The following LRRC4C variants were observed in gnomAD, a reference collection of about 807,000 sequenced individuals.
The protein encoded by LRRC4C is leucine rich repeat containing 4C.
A neutral mutation model predicts 33.6 loss-of-function variants in LRRC4C; 5 were observed. The observed-to-expected ratio is 0.15, with a 90% CI of 0.08 to 0.31. The LOEUF is 0.31. LRRC4C is among the 10% of genes least tolerant of loss of function. The probability of loss-of-function intolerance (pLI) is 1.00; values close to 1 mark genes in which losing one functional copy is unlikely to be tolerated. For synonymous variants in LRRC4C, 329 were observed against 302.0 expected (o/e 1.09, Z -0.93); for missense variants, 560 against 796.7 (o/e 0.70, Z 3.58).
intron 2 of LRRC4C, among the ~76,000 whole-genome samples, chr11:40,666,758 T>C (rs1339924700): frequency 6.6e-6 from 1 of 152,064 alleles, no homozygotes; most frequent in Non-Finnish European, 1.5e-5. Flanking sequence ...AATTAGAAAA[T>C]CTTCCCAAAT....
rs1191106845 is a variant in LRRC4C, at chr11:41,408,755, A to AAAAAAAAAAAAAAAC, written c.-496+50675_-496+50676insGTTTTTTTTTTTTTT. Among the ~76,000 whole-genome samples, 316 of 148,048 alleles carry AAAAAAAAAAAAAAAC rather than the reference A, an allele frequency of 2.1e-3. 1 individual carries two copies. The highest frequency in any genetic ancestry group is 7.6e-3 in the African/African-American group (286 of 37,752). On this transcript the variant is annotated intron_variant, in intron 1 of 6. Transcript: ENST00000528697. ...AGAAAGGTATATTTTTGTAAAAAAAAAAAAAAAAAAAACTGAGTCTCTCAA... is the reference window on the plus strand; with the variant it reads ...AGAAAGGTATATTTTTGTAAAAAAAAAAAAAAAAAAAAAACAAAAAAAAAAAACTGAGTCTCTCAA...
chr11:41,417,902 C>T (rs1954742475), intron 1 of LRRC4C, among the ~76,000 whole-genome samples: 1 of 151,188 alleles, frequency 6.6e-6, no homozygotes, highest in Non-Finnish European at 1.5e-5. Flanking sequence ...CAACAAACAC[C>T]ATATATATGG....
intron 1 of LRRC4C, among the ~76,000 whole-genome samples, chr11:41,013,539 T>G (rs1855364694): frequency 6.6e-6 from 1 of 152,174 alleles, no homozygotes; most frequent in Non-Finnish European, 1.5e-5. Context: ...GAAAAAACCC[T>G]GAATTTTTAC....
chr11:41,286,590 A>T (rs1949835808), intron 1 of LRRC4C, among the ~76,000 whole-genome samples: 1 of 151,164 alleles, frequency 6.6e-6, no homozygotes, highest in African/African-American at 2.5e-5. Flanking sequence ...TTAAGACAAG[A>T]TCCTTAGTCA....
Position 40,873,069 on chromosome 11 carries a change from T to C in LRRC4C, c.-407+60566A>G, listed in dbSNP as rs200215130. 1.7e-4 allele frequency among the ~76,000 whole-genome samples: 26 copies of C among 152,270 alleles called. No individual in the cohort carries two copies. In the East Asian group the frequency reaches 4.6e-3, roughly 27 times the overall value. On this transcript the variant is annotated intron_variant, in intron 2 of 6. Transcript: ENST00000528697. ...AGATAGTATTGAGAATAAAAGCCAA[T>C]GAGAGGTTAGCAGCCTGGTGAAGTC...
At chr11:40,302,226 A>G (rs1307081441) in intron 4 of LRRC4C, among the ~76,000 whole-genome samples, 1 of 152,210 alleles carries the variant, frequency 6.6e-6, no homozygotes, top group Non-Finnish European at 1.5e-5. Flanking sequence ...TTTTATCACA[A>G]CCTTCAATTG....
At chr11:41,414,948 C>A (rs1354853650) in intron 1 of LRRC4C, among the ~76,000 whole-genome samples, 1 of 152,094 alleles carries the variant, frequency 6.6e-6, no homozygotes, top group Non-Finnish European at 1.5e-5. Flanking sequence ...TAATAACAGG[C>A]AACACTAATA....
chr11:40,397,846 G>T (rs1018093311), intron 3 of LRRC4C, among the ~76,000 whole-genome samples: 6 of 152,074 alleles, frequency 3.9e-5, no homozygotes, highest in Admixed American at 1.3e-4. Context: ...GTGTGGGAAA[G>T]GTTGTAGAAA....
intron 5 of LRRC4C, among the ~76,000 whole-genome samples, chr11:40,213,528 T>G (rs1863758840): frequency 6.6e-6 from 1 of 152,122 alleles, no homozygotes; most frequent in Non-Finnish European, 1.5e-5. Flanking sequence ...ATTATTGTGG[T>G]CTCCCCTTCC....
chr11:40,362,765 A>G (rs891717383), intron 3 of LRRC4C, among the ~76,000 whole-genome samples: 3 of 152,216 alleles, frequency 2.0e-5, no homozygotes, highest in Non-Finnish European at 2.9e-5. Flanking sequence ...GGACACGAAC[A>G]GACGCTTCTC....
chr11:40,212,705 A>G (rs1349363830), intron 5 of LRRC4C, among the ~76,000 whole-genome samples: 1 of 152,172 alleles, frequency 6.6e-6, no homozygotes, highest in African/African-American at 2.4e-5. Flanking sequence ...TGAGGGGCGT[A>G]CTTCATTTGT....
intron 3 of LRRC4C, among the ~76,000 whole-genome samples, chr11:40,482,394 A>G (rs1166645122): frequency 3.9e-5 from 6 of 152,160 alleles, no homozygotes; most frequent in African/African-American, 1.4e-4. Flanking sequence ...AAATCAAATG[A>G]GACTTTCTCC....
At chr11:41,225,624 C>A (rs902171590) in intron 1 of LRRC4C, among the ~76,000 whole-genome samples, 1 of 151,694 alleles carries the variant, frequency 6.6e-6, no homozygotes, top group African/African-American at 2.4e-5. Context: ...CATAGTAAGA[C>A]CCTGTCTTTA....
chr11:41,073,029 G>C (rs1938825272), intron 1 of LRRC4C, among the ~76,000 whole-genome samples: 1 of 152,148 alleles, frequency 6.6e-6, no homozygotes, highest in East Asian at 1.9e-4. Flanking sequence ...CTGCTATATT[G>C]AGTGCACAAT....
At position 41,451,649 on chromosome 11, in the gene LRRC4C, G is replaced by T. The variant is rs369329950; in HGVS notation, c.-496+7782C>A. On this transcript the variant is annotated intron_variant, in intron 1 of 6. Transcript: ENST00000528697. Reference sequence around the variant, plus strand: ...CCAGATGAACACAGGAAGAAGTTAGGTATTCATGAGCAAAACAGACCTATT... The same window carrying T: ...CCAGATGAACACAGGAAGAAGTTAGTTATTCATGAGCAAAACAGACCTATT... Among the ~76,000 whole-genome samples the T allele has an allele frequency of 4.6e-5, 7 of 152,200 alleles. No individual in the cohort carries two copies. The South Asian group carries it at 8.3e-4, about 18-fold the overall frequency.
chr11:40,794,373 C>CAA lies in LRRC4C; in HGVS notation c.-407+139260_-407+139261dup, dbSNP rs57476895. Among the ~76,000 whole-genome samples, 463 of 77,150 alleles carry CAA rather than the reference C, an allele frequency of 6.0e-3. 20 individuals carry two copies. The highest frequency in any genetic ancestry group is 0.015 in the East Asian group (32 of 2,132). The allele number at this position is 77,150 out of a possible 152,430, so 50.6% of individuals were successfully genotyped here. A position where few individuals can be genotyped will look rare whatever the true frequency, so the allele number is the denominator to read the frequency against. On this transcript the variant is annotated intron_variant, in intron 2 of 6. Coordinates refer to ENST00000528697, the MANE Select transcript of LRRC4C (RefSeq NM_001258419.2). Reference sequence around the variant, plus strand: ...ACAAAGCCACTCTCATAAACGCCAGCAAAAAAAAAAAAAAAAAAAAAAAAA... The same window carrying CAA: ...ACAAAGCCACTCTCATAAACGCCAGCAAAAAAAAAAAAAAAAAAAAAAAAAAA...
chr11:40,915,144 C>T (rs1445559012), intron 2 of LRRC4C, among the ~76,000 whole-genome samples: 1 of 152,022 alleles, frequency 6.6e-6, no homozygotes, highest in Non-Finnish European at 1.5e-5. Flanking sequence ...AGATTCAATG[C>T]CGTCTCCATC....
At chr11:40,422,138 A>C (rs1950543638) in intron 3 of LRRC4C, among the ~76,000 whole-genome samples, 1 of 152,224 alleles carries the variant, frequency 6.6e-6, no homozygotes, top group Non-Finnish European at 1.5e-5. Context: ...TTGAAGAAAA[A>C]TACATTTCCT....
At chr11:41,251,512 G>A (rs1210706275) in intron 1 of LRRC4C, among the ~76,000 whole-genome samples, 1 of 152,066 alleles carries the variant, frequency 6.6e-6, no homozygotes, top group East Asian at 1.9e-4. Context: ...TCCTCCTTTT[G>A]TATTATTCCA....
Sources: gnomAD v4.1 joint callset for allele counts (sites outside exome capture counted in the v4.1 genomes callset) on GRCh38, gnomAD v4.1.1 for gene constraint, MANE v1.5 for transcripts, NCBI Gene and HGNC (gene_info 2026-07-23, HGNC 2026-07-21) for gene names.